The following CACNA2D1 variants were observed in gnomAD, a reference collection of about 807,000 sequenced individuals.
CACNA2D1 encodes the protein voltage-dependent calcium channel subunit alpha-2/delta-1.
Under a neutral mutation model 171.5 loss-of-function variants are expected in CACNA2D1, and 53 were observed. The ratio of observed to expected loss-of-function variants is 0.31; its 90% confidence interval spans 0.25 to 0.39. The LOEUF is 0.39. Ranked by LOEUF, CACNA2D1 falls within the 10% of genes least tolerant of loss-of-function variation. The pLI, the probability that CACNA2D1 is intolerant of heterozygous loss-of-function variation, is 1.00. For synonymous variants in CACNA2D1, 442 were observed against 443.1 expected, an observed-to-expected ratio of 1.00 and a Z score of 0.03; for missense variants, 903 against 1,299.8, an observed-to-expected ratio of 0.69 and a Z score of 4.69.
intron 3 of CACNA2D1, among the ~76,000 whole-genome samples, chr7:82,261,675 G>T (rs1807121399): frequency 6.6e-6 from 1 of 152,058 alleles, no homozygotes; most frequent in Non-Finnish European, 1.5e-5. Flanking sequence ...ATGGAAATCT[G>T]AAATGGATAA....
At chr7:82,162,028 A>G (rs186714859) in intron 4 of CACNA2D1, among the ~76,000 whole-genome samples, 140 of 152,206 alleles carry the variant, frequency 9.2e-4, no homozygotes, top group African/African-American at 3.2e-3. Flanking sequence ...TGAAGAAAGG[A>G]AATACAGTAA....
intron 1 of CACNA2D1, among the ~76,000 whole-genome samples, chr7:82,393,083 A>AAGGAAGGAAGGAAGGAAGGAAGGAAGGC (rs1208617777): frequency 1.2e-5 from 1 of 82,402 alleles, no homozygotes; most frequent in African/African-American, 5.3e-5. Context: ...GGAAGGAAGG[A>AAGGAAGGAAGGAAGGAAGGAAGGAAGGC]AGGCAGGCAG....
intron 4 of CACNA2D1, among the ~76,000 whole-genome samples, chr7:82,151,662 C>CA (rs1297922167): frequency 6.6e-6 from 1 of 152,006 alleles, no homozygotes; most frequent in East Asian, 1.9e-4. Context: ...CGGTGGAGAG[C>CA]AAAAATACTG....
At chr7:82,326,475 C>G (rs1816661941) in intron 3 of CACNA2D1, among the ~76,000 whole-genome samples, 1 of 152,130 alleles carries the variant, frequency 6.6e-6, no homozygotes, top group Admixed American at 6.5e-5. Flanking sequence ...CCCATGTGCA[C>G]AGTGAAAACA....
intron 38 of CACNA2D1, among the ~76,000 whole-genome samples, chr7:81,955,338 T>C (rs987134321): frequency 6.6e-6 from 1 of 152,118 alleles, no homozygotes; most frequent in Non-Finnish European, 1.5e-5. Context: ...GCATAGACCA[T>C]AACCTTTATG....
At chr7:82,253,434 T>C (rs1194343664) in intron 3 of CACNA2D1, among the ~76,000 whole-genome samples, 1 of 152,176 alleles carries the variant, frequency 6.6e-6, no homozygotes. Flanking sequence ...GGTATTGTCA[T>C]ACTGCATGTA....
At chr7:82,231,311 T>A (rs1390734762) in intron 3 of CACNA2D1, among the ~76,000 whole-genome samples, 3 of 152,158 alleles carry the variant, frequency 2.0e-5, no homozygotes, top group Non-Finnish European at 4.4e-5. Flanking sequence ...TGGAGAGAGA[T>A]CCTGTTGTAT....
At position 82,000,771 on chromosome 7, in the gene CACNA2D1, C is replaced by CTT. The variant is rs774565705; in HGVS notation, c.1591-3523_1591-3522dup. 1.2e-3 allele frequency among the ~76,000 whole-genome samples: 63 copies of CTT among 51,954 alleles called. 3 individuals carry two copies. The highest frequency in any genetic ancestry group is 1.8e-3 in the Non-Finnish European group (51 of 27,692). The allele number at this position is 51,954 out of a possible 152,430, so 34.1% of individuals were successfully genotyped here. A position where few individuals can be genotyped will look rare whatever the true frequency, so the allele number is the denominator to read the frequency against. On this transcript the variant is annotated intron_variant, in intron 18 of 38. Coordinates refer to ENST00000356860, the MANE Select transcript of CACNA2D1 (RefSeq NM_000722.4). ...TACCATGCCTAACTAATTTTTCTTT[C>CTT]TTTTTTTTTTTTTTTTTTTTTTTTT...
At chr7:82,033,959 C>A (rs258728) in intron 11 of CACNA2D1, among the ~76,000 whole-genome samples, 49,327 of 151,880 alleles carry the variant, frequency 0.32, 8,999 homozygotes, top group Middle Eastern at 0.5. Context: ...ACATGAGCCT[C>A]ATATGGAACT....
At chr7:82,392,490 C>A (rs1288464131) in intron 1 of CACNA2D1, among the ~76,000 whole-genome samples, 1 of 152,158 alleles carries the variant, frequency 6.6e-6, no homozygotes, top group Non-Finnish European at 1.5e-5. Context: ...AGCCGTAATG[C>A]AGGGGGGCTG....
At chr7:82,358,385 G>A (rs550768634) in intron 1 of CACNA2D1, among the ~76,000 whole-genome samples, 14 of 152,250 alleles carry the variant, frequency 9.2e-5, no homozygotes, top group African/African-American at 1.2e-4. Flanking sequence ...ACATTAAATC[G>A]TAGGATTGTT....
chr7:82,349,546 C>A (rs1292881111), intron 2 of CACNA2D1, 22 bp downstream of exon 2: 6 of 1,583,030 alleles, frequency 3.8e-6, no homozygotes, highest in Non-Finnish European at 1.7e-6. Flanking sequence ...ATTAAGAAAT[C>A]TCTTTGGTGG....
rs985126665 is a variant in CACNA2D1, at chr7:82,030,695, T to C, written c.1143+2102A>G. Among the ~76,000 whole-genome samples, 41 of 151,972 alleles carry C rather than the reference T, an allele frequency of 2.7e-4. 1 individual carries two copies. Among genetic ancestry groups the C allele is most frequent in the Admixed American group, 2.2e-3 (34 of 15,186 alleles). On this transcript the variant is annotated intron_variant, in intron 12 of 38. Coordinates refer to ENST00000356860, the MANE Select transcript of CACNA2D1 (RefSeq NM_000722.4). ...ATGATTTATTTACACTTAGTACCTA[T>C]TAAAATGATATAAGTAGTGGCTTGC...
chr7:82,417,934 A>G (rs1257973383), intron 1 of CACNA2D1, among the ~76,000 whole-genome samples: 1 of 152,234 alleles, frequency 6.6e-6, no homozygotes, highest in African/African-American at 2.4e-5. Context: ...ACAATATTAA[A>G]AGGAGACACT....
intron 5 of CACNA2D1, among the ~76,000 whole-genome samples, chr7:82,128,902 G>A (rs1445188833): frequency 2.0e-5 from 3 of 151,980 alleles, no homozygotes; most frequent in Non-Finnish European, 4.4e-5. Flanking sequence ...TTAATGTTGT[G>A]TAGATGTGTG....
chr7:81,991,071 GT>G, intron 21 of CACNA2D1, 113 bp downstream of exon 21: 1 of 652,678 alleles, frequency 1.5e-6, no homozygotes. Context: ...AGTTTAGTAT[GT>G]TTTCATGTTG....
At chr7:82,377,142 G>A (rs1484135269) in intron 1 of CACNA2D1, among the ~76,000 whole-genome samples, 1 of 152,158 alleles carries the variant, frequency 6.6e-6, no homozygotes, top group South Asian at 2.1e-4. Flanking sequence ...GTGTAAAACT[G>A]CCAGGTTCCA....
chr7:82,375,749 T>C (rs1427676805), intron 1 of CACNA2D1, among the ~76,000 whole-genome samples: 4 of 152,198 alleles, frequency 2.6e-5, no homozygotes, highest in Admixed American at 1.3e-4. Context: ...CAGTGCTTAG[T>C]AAATATATTC....
chr7:82,396,525 G>T lies in CACNA2D1; in HGVS notation c.95+46840C>A, dbSNP rs549213379. The stretch of plus-strand genomic sequence containing the variant: ...TCTGTCAAGGTTAATTCACCACTCT[G>T]TGGCTACACAATATATGTCTGCCCT... On this transcript the variant is annotated intron_variant, in intron 1 of 38. Transcript: ENST00000356860. 2.5e-4 allele frequency among the ~76,000 whole-genome samples: 38 copies of T among 152,258 alleles called. 1 individual carries two copies. In the South Asian group the frequency reaches 7.9e-3, roughly 32 times the overall value.
Sources: allele counts gnomAD v4.1 joint callset (sites outside exome capture counted in the v4.1 genomes callset), GRCh38; gene constraint gnomAD v4.1.1; transcripts MANE v1.5; gene names NCBI Gene and HGNC (gene_info 2026-07-23, HGNC 2026-07-21).